Variants in PIK3R6 observed in about 807,000 individuals in gnomAD.
The protein encoded by PIK3R6 is phosphoinositide 3-kinase regulatory subunit 6.
PIK3R6 carries 91 observed loss-of-function variants against 84.9 expected under a neutral mutation model. The observed-to-expected ratio is 1.07, with a 90% CI of 0.90 to 1.28. PIK3R6 has a LOEUF of 1.28. Among genes scored for constraint, PIK3R6 ranks in the 50% most tolerant of loss-of-function variants. The pLI, the probability that PIK3R6 is intolerant of heterozygous loss-of-function variation, is 0.00. For missense variants in PIK3R6, 996 were observed against 985.1 expected (o/e 1.01, Z -0.15); for synonymous variants, 416 against 411.4 (o/e 1.01, Z -0.13).
At chr17:8,835,791 G>C (rs2088437073) in intron 7 of PIK3R6, among the ~76,000 whole-genome samples, 1 of 152,082 alleles carries the variant, frequency 6.6e-6, no homozygotes, top group Non-Finnish European at 1.5e-5. Flanking sequence ...CTCTAGGAGG[G>C]ACCCTAAATC....
intron 14 of PIK3R6, 118 bp from the exon 15 acceptor site, chr17:8,823,204 G>C: frequency 1.1e-6 from 1 of 869,964 alleles, no homozygotes; most frequent in Non-Finnish European, 1.9e-6. Context: ...CCTACTTCTT[G>C]GATTTGAGGT....
intron 7 of PIK3R6, among the ~76,000 whole-genome samples, chr17:8,835,959 T>G (rs1418937682): frequency 6.6e-6 from 1 of 152,140 alleles, no homozygotes; most frequent in Non-Finnish European, 1.5e-5. Flanking sequence ...GCATCTTTCA[T>G]GAACTCAGCA....
chr17:8,819,758 G>A (rs866724012), intron 17 of PIK3R6, among the ~76,000 whole-genome samples: 30 of 125,842 alleles, frequency 2.4e-4, no homozygotes, highest in African/African-American at 7.6e-4. Context: ...ACATACACAC[G>A]TATATATGTA....
chr17:8,841,934 G>T lies in PIK3R6; in HGVS notation c.14-2237C>A, dbSNP rs539170145. On this transcript the variant is annotated intron_variant, in intron 2 of 19. Transcript: ENST00000619866. ...AATGGGAGGTGTTAGGGTCATGGTGGTGGATGCTTCATGAATGCCATCCTT... is the reference window on the plus strand; with the variant it reads ...AATGGGAGGTGTTAGGGTCATGGTGTTGGATGCTTCATGAATGCCATCCTT... Among the ~76,000 whole-genome samples, 5 of 152,304 alleles carry T rather than the reference G, an allele frequency of 3.3e-5. 1 individual carries two copies. The highest frequency in any genetic ancestry group is 1.2e-4 in the African/African-American group (5 of 41,566).
chr17:8,827,805 A>AGAGAG (rs2087994723), intron 12 of PIK3R6, among the ~76,000 whole-genome samples: 1 of 126,972 alleles, frequency 7.9e-6, no homozygotes, highest in African/African-American at 3.3e-5. Flanking sequence ...AGAGAGAGAG[A>AGAGAG]GAGAGAGAGA....
In PIK3R6 at chr17:8,828,702, A is replaced by C; in HGVS notation, c.1178T>G (p.Leu393Arg). The C allele has an allele frequency of 6.2e-7, 1 of 1,611,088 alleles. No individual in the cohort carries two copies. The highest frequency in any genetic ancestry group is 2.2e-5 in the East Asian group (1 of 44,804). The change falls in exon 11 of 20, where the codon CTG becomes CGG. Residue 393 changes from leucine (L) to arginine (R), a missense_variant. Coordinates refer to ENST00000619866, the MANE Select transcript of PIK3R6 (RefSeq NM_001010855.4). Reference protein sequence around the residue: ...MPGSWDGPPGLHRRTGRPSGD... With the variant: ...MPGSWDGPPGRHRRTGRPSGD... Reference sequence around the variant, plus strand: ...ACTGGGCCGGCCTGTCCTCCGGTGCAGCCCTGGGGGCCCGTCCCAGCTGCC... The same window carrying C: ...ACTGGGCCGGCCTGTCCTCCGGTGCCGCCCTGGGGGCCCGTCCCAGCTGCC...
At chr17:8,851,318 A>C (rs2088958083) in intron 1 of PIK3R6, among the ~76,000 whole-genome samples, 1 of 152,170 alleles carries the variant, frequency 6.6e-6, no homozygotes, top group Non-Finnish European at 1.5e-5. Context: ...TAACATGGTG[A>C]AACCCTGTCT....
At chr17:8,852,027 A>C (rs965122103) in intron 1 of PIK3R6, among the ~76,000 whole-genome samples, 3 of 152,240 alleles carry the variant, frequency 2.0e-5, no homozygotes, top group South Asian at 2.1e-4. Context: ...TCATAAAAGG[A>C]CAAATATTGT....
chr17:8,841,701 G>GAA (rs59502151), intron 2 of PIK3R6, among the ~76,000 whole-genome samples: 2 of 142,724 alleles, frequency 1.4e-5, no homozygotes, highest in African/African-American at 5.1e-5. Flanking sequence ...GTTGACATGG[G>GAA]AAAAAAAAAA....
chr17:8,832,401 G>C (rs1476936430), intron 9 of PIK3R6, among the ~76,000 whole-genome samples: 2 of 11,498 alleles, frequency 1.7e-4, no homozygotes, highest in Non-Finnish European at 3.3e-4. Context: ...TTTTTTTTTT[G>C]AGACGGAGTC....
At position 8,843,690 on chromosome 17, in the gene PIK3R6, G is replaced by C. The variant is rs78975245; in HGVS notation, c.14-3993C>G. Reference sequence around the variant, plus strand: ...CAACATTTACAAGTCAGGAGATTTTGCATAACGTTTGGGTTTCTGGCATCT... The same window carrying C: ...CAACATTTACAAGTCAGGAGATTTTCCATAACGTTTGGGTTTCTGGCATCT... On this transcript the variant is annotated intron_variant, in intron 2 of 19. Transcript: ENST00000619866. 9.2e-4 allele frequency among the ~76,000 whole-genome samples: 140 copies of C among 152,110 alleles called. 1 individual carries two copies. In the East Asian group the frequency reaches 0.021, roughly 22 times the overall value.
chr17:8,812,713 T>C (rs984980991), intron 18 of PIK3R6, among the ~76,000 whole-genome samples: 2 of 152,120 alleles, frequency 1.3e-5, no homozygotes, highest in East Asian at 3.9e-4. Flanking sequence ...TGAATGAAAA[T>C]AGAGACACAA....
chr17:8,860,741 G>C (rs1192432647), intron 1 of PIK3R6, among the ~76,000 whole-genome samples: 1 of 152,064 alleles, frequency 6.6e-6, no homozygotes, highest in Non-Finnish European at 1.5e-5. Flanking sequence ...CAATTAGCTG[G>C]AGTTGACATG....
In PIK3R6 at chr17:8,844,410, A is replaced by G. The variant is rs1226487948; in HGVS notation, c.14-4713T>C. ...ATATGAGAGGTTGAAGCTGGTTTTG[A>G]TTTGATTAAATGGAAGAAAGAAATG... On this transcript the variant is annotated intron_variant, in intron 2 of 19. Transcript: ENST00000619866. This position sits in a 1 kb window ranked among gnomAD's most constrained non-coding sequence, Gnocchi z 4.5. 6.6e-6 allele frequency among the ~76,000 whole-genome samples: 1 copy of G among 152,178 alleles called. No homozygotes were observed. The highest frequency in any genetic ancestry group is 1.9e-4 in the East Asian group (1 of 5,198).
chr17:8,823,354 G>T, intron 14 of PIK3R6, 33 bp downstream of exon 14: 2 of 1,481,848 alleles, frequency 1.3e-6, no homozygotes, highest in African/African-American at 1.4e-5. Context: ...GTGGGGTCCT[G>T]GGGTCCCTTG....
At chr17:8,853,317 C>G (rs1244949037) in intron 1 of PIK3R6, among the ~76,000 whole-genome samples, 5 of 150,824 alleles carry the variant, frequency 3.3e-5, no homozygotes, top group Non-Finnish European at 7.4e-5. Flanking sequence ...AACCCCGTCT[C>G]TACTAAAAAT....
At position 8,803,298 on chromosome 17, in the gene PIK3R6, T is replaced by C; in HGVS notation, c.2240A>G (p.Asn747Ser). 6.2e-7 allele frequency: 1 copy of C among 1,612,794 alleles called. No homozygotes were observed. Among genetic ancestry groups the C allele is most frequent in the Non-Finnish European group, 8.5e-7 (1 of 1,179,864 alleles). Residue 747 changes from asparagine to serine, a missense_variant, in exon 20 of 20, where the codon AAC becomes AGC. Physicochemically the swap from Asn to Ser is conservative, Grantham distance 46. Coordinates refer to ENST00000619866, the MANE Select transcript of PIK3R6 (RefSeq NM_001010855.4). This position sits in a 1 kb window ranked among gnomAD's most constrained non-coding sequence, Gnocchi z 5.0. The part of the protein sequence containing the change: ...AKPKPLLMPI[N>S]TFSGIVQ ...TCACTGGACAATACCAGAGAATGTG[T>C]TGATGGGCATCAGAAGGGGCTTGGG... is the stretch of plus-strand genomic sequence containing the variant.
chr17:8,828,890 C>T lies in PIK3R6; in HGVS notation c.990G>A (p.Leu330=), dbSNP rs757550867. 18 of 1,573,286 alleles carry T rather than the reference C, an allele frequency of 1.1e-5. No homozygotes were observed. The highest frequency in any genetic ancestry group is 1.6e-5 in the Non-Finnish European group (18 of 1,159,036). ...CAGTGGACAGCACAGAAACCCGGGC[C>T]AACTCCCGGTCCGGCCGGAGGCCCT... ...DLQGLRPDRE[L]ARVSVLSTDS... is the part of the protein sequence containing the mutation. The change falls in exon 11 of 20, where the codon TTG becomes TTA. Residue 330 remains leucine (L), a synonymous_variant. Coordinates refer to ENST00000619866, the MANE Select transcript of PIK3R6 (RefSeq NM_001010855.4).
intron 1 of PIK3R6, among the ~76,000 whole-genome samples, chr17:8,853,163 A>G (rs1389735871): frequency 1.3e-5 from 2 of 151,106 alleles, no homozygotes; most frequent in African/African-American, 4.9e-5. Flanking sequence ...ATACAATACC[A>G]TTTACAATAG....
Sources: allele counts gnomAD v4.1 joint callset (sites outside exome capture counted in the v4.1 genomes callset), GRCh38; gene constraint gnomAD v4.1.1; non-coding constraint Gnocchi (gnomAD v3.1); transcripts MANE v1.5; gene names NCBI Gene and HGNC (gene_info 2026-07-23, HGNC 2026-07-21).